RBFOX1: variants seen among roughly 807,000 people sequenced by gnomAD.
The protein encoded by RBFOX1 is RNA binding fox-1 homolog 1.
Under a neutral mutation model 57.7 loss-of-function variants are expected in RBFOX1, and 8 were observed. The ratio of observed to expected loss-of-function variants is 0.14; its 90% CI spans 0.08 to 0.25. The LOEUF (loss-of-function observed/expected upper bound fraction) is 0.25. RBFOX1 is among the 10% of genes least tolerant of loss of function. The probability of loss-of-function intolerance (pLI) is 1.00; values close to 1 mark genes in which losing one functional copy is unlikely to be tolerated. For synonymous variants in RBFOX1, 326 were observed against 222.4 expected, an observed-to-expected ratio of 1.47 and a Z score of -4.15; for missense variants, 611 against 548.5, an observed-to-expected ratio of 1.11 and a Z score of -1.14.
intron 4 of RBFOX1, among the ~76,000 whole-genome samples, chr16:7,396,043 C>A (rs569534852): frequency 6.6e-6 from 1 of 152,254 alleles, no homozygotes; most frequent in East Asian, 1.9e-4. Context: ...TTCTGGGACA[C>A]TGAATTCATG....
chr16:5,931,197 T>TTGCTC (rs1172926216), intron 4 of RBFOX1, among the ~76,000 whole-genome samples: 10 of 152,162 alleles, frequency 6.6e-5, no homozygotes, highest in Admixed American at 2.0e-4. Context: ...TCCAACCACA[T>TTGCTC]CAATCATCCT....
intron 3 of RBFOX1, among the ~76,000 whole-genome samples, chr16:5,836,725 C>G (rs1045002675): frequency 1.3e-5 from 2 of 152,184 alleles, no homozygotes; most frequent in Non-Finnish European, 2.9e-5. Flanking sequence ...TCCCTGGCCT[C>G]TACCCACTAG....
At chr16:6,006,604 A>G (rs1416248845) in intron 4 of RBFOX1, among the ~76,000 whole-genome samples, 3 of 152,170 alleles carry the variant, frequency 2.0e-5, no homozygotes, top group African/African-American at 7.2e-5. Context: ...TATAATTATT[A>G]CACCTGTGTG....
Position 7,713,013 on chromosome 16 carries a change from A to C in RBFOX1, c.*2268A>C, listed in dbSNP as rs1431261274. On this transcript the variant is annotated 3_prime_UTR_variant, in exon 16 of 16. Coordinates refer to ENST00000550418, the MANE Select transcript of RBFOX1 (RefSeq NM_018723.4). Reference sequence around the variant, plus strand: ...GAGTGAGTGCCAACCGATGTTGCAGAATCTTTTGTCTAGGCACTCCAAGAT... The same window carrying C: ...GAGTGAGTGCCAACCGATGTTGCAGCATCTTTTGTCTAGGCACTCCAAGAT... 1 of 152,222 alleles carries C rather than the reference A, an allele frequency of 6.6e-6. No individual in the cohort carries two copies. Among genetic ancestry groups the C allele is most frequent in the Non-Finnish European group, 1.5e-5 (1 of 68,036 alleles). 9.4% of individuals were successfully genotyped at this position (152,222 alleles called of 1,614,324 possible).
intron 1 of RBFOX1, among the ~76,000 whole-genome samples, chr16:5,413,759 T>C (rs2067087126): frequency 6.6e-6 from 1 of 152,172 alleles, no homozygotes; most frequent in Non-Finnish European, 1.5e-5. Context: ...AAGTAGTAGG[T>C]GCAGAATTAC....
chr16:6,547,367 C>G (rs2096911049), intron 2 of RBFOX1, among the ~76,000 whole-genome samples: 1 of 152,062 alleles, frequency 6.6e-6, no homozygotes, highest in South Asian at 2.1e-4. Flanking sequence ...GCTCTCCTTC[C>G]TGAGGATAAT....
chr16:5,342,915 A>C (rs961066978), intron 1 of RBFOX1, among the ~76,000 whole-genome samples: 1 of 151,674 alleles, frequency 6.6e-6, no homozygotes, highest in Non-Finnish European at 1.5e-5. Flanking sequence ...CCCCTACCCC[A>C]CAAGCCAAGA....
chr16:5,674,651 C>T (rs2151423786), intron 3 of RBFOX1, among the ~76,000 whole-genome samples: 1 of 152,324 alleles, frequency 6.6e-6, no homozygotes, highest in Admixed American at 6.5e-5. Context: ...TTTGCCATTA[C>T]TTTTAATTAT....
intron 2 of RBFOX1, among the ~76,000 whole-genome samples, chr16:6,436,710 A>C (rs1325271698): frequency 6.6e-6 from 1 of 152,130 alleles, no homozygotes; most frequent in African/African-American, 2.4e-5. Context: ...AAGGAAAGCC[A>C]TGATAATTTG....
chr16:7,366,088 A>C (rs938500291), intron 4 of RBFOX1, among the ~76,000 whole-genome samples: 1 of 152,166 alleles, frequency 6.6e-6, no homozygotes, highest in Non-Finnish European at 1.5e-5. Context: ...CCAATCAGCT[A>C]TGGCCTAGGT....
intron 5 of RBFOX1, among the ~76,000 whole-genome samples, chr16:7,557,271 G>A (rs1774749669): frequency 1.3e-5 from 2 of 151,848 alleles, no homozygotes; most frequent in Admixed American, 1.3e-4. Flanking sequence ...AAAGAGAATT[G>A]TAAAGCAACT....
chr16:7,445,527 C>G (rs1250598746), intron 4 of RBFOX1, among the ~76,000 whole-genome samples: 1 of 152,182 alleles, frequency 6.6e-6, no homozygotes, highest in East Asian at 1.9e-4. Context: ...ATAGGAGTGA[C>G]AGGTCCATAA....
chr16:7,015,949 A>G (rs75137950), intron 3 of RBFOX1, among the ~76,000 whole-genome samples: 4 of 152,170 alleles, frequency 2.6e-5, no homozygotes, highest in African/African-American at 4.8e-5. Context: ...CAGTTAATTC[A>G]TCATTTACCC....
intron 2 of RBFOX1, among the ~76,000 whole-genome samples, chr16:6,630,990 A>G (rs1028540450): frequency 5.3e-5 from 8 of 152,194 alleles, no homozygotes; most frequent in African/African-American, 1.7e-4. Flanking sequence ...GAAGGAGGCT[A>G]TACTTGGACC....
chr16:7,572,564 G>C (rs1460633246), intron 5 of RBFOX1, among the ~76,000 whole-genome samples: 1 of 152,178 alleles, frequency 6.6e-6, no homozygotes, highest in Non-Finnish European at 1.5e-5. Context: ...AATAGGCTGG[G>C]CGCGGTGGCT....
intron 3 of RBFOX1, among the ~76,000 whole-genome samples, chr16:5,849,636 G>T (rs904679324): frequency 2.6e-5 from 4 of 152,072 alleles, no homozygotes; most frequent in African/African-American, 9.7e-5. Flanking sequence ...TGGAAGTGCC[G>T]ACTGCTCACG....
At chr16:5,516,720 G>A (rs571462918) in intron 2 of RBFOX1, among the ~76,000 whole-genome samples, 34 of 152,012 alleles carry the variant, frequency 2.2e-4, no homozygotes, top group Admixed American at 2.2e-3. Context: ...CATGGGGGTG[G>A]GTTTTTTTGC....
intron 4 of RBFOX1, among the ~76,000 whole-genome samples, chr16:5,910,559 G>A (rs1408059893): frequency 1.3e-5 from 2 of 152,298 alleles, no homozygotes; most frequent in East Asian, 1.9e-4. Flanking sequence ...GGTTATTGGA[G>A]TGGAGGAAGG....
intron 3 of RBFOX1, among the ~76,000 whole-genome samples, chr16:5,696,577 G>C (rs1192308717): frequency 1.3e-5 from 2 of 152,198 alleles, no homozygotes; most frequent in East Asian, 1.9e-4. Context: ...ACCATCTCCA[G>C]AATGCACTGA....
Sources: gnomAD v4.1 joint callset for allele counts (sites outside exome capture counted in the v4.1 genomes callset) on GRCh38, gnomAD v4.1.1 for gene constraint, MANE v1.5 for transcripts, NCBI Gene and HGNC (gene_info 2026-07-23, HGNC 2026-07-21) for gene names.